The following ZNF257 variants were observed in gnomAD, a reference collection of about 807,000 sequenced individuals.
The protein encoded by ZNF257 is zinc finger protein 257.
Under a neutral mutation model 11.9 loss-of-function variants are expected in ZNF257, and 12 were observed. The ratio of observed to expected loss-of-function variants is 1.01; its 90% CI spans 0.65 to 1.63. The LOEUF (loss-of-function observed/expected upper bound fraction) is 1.63, where lower values mean the gene tolerates loss of function less well. ZNF257 is among the 40% of genes most tolerant of loss of function. The probability of loss-of-function intolerance (pLI) is 0.00; values close to 1 mark genes in which losing one functional copy is unlikely to be tolerated. For synonymous variants in ZNF257, 183 were observed against 222.7 expected (o/e 0.82, Z 1.59); for missense variants, 580 against 665.5 (o/e 0.87, Z 1.41).
chr19:22,052,497 C>A lies in ZNF257; in HGVS notation c.-136C>A. The A allele has an allele frequency of 9.5e-7, 1 of 1,047,836 alleles. No homozygotes were observed. Among genetic ancestry groups the A allele is most frequent in the Non-Finnish European group, 1.4e-6 (1 of 702,328 alleles). 64.9% of individuals were successfully genotyped at this position (1,047,836 alleles called of 1,614,324 possible). Reference sequence around the variant, plus strand: ...GGTTTGGCGGGTACTTTGTCTCTCGCTCTAGCCCGAGCTGCAGGTCTCGTC... The same window carrying A: ...GGTTTGGCGGGTACTTTGTCTCTCGATCTAGCCCGAGCTGCAGGTCTCGTC... On this transcript the variant is annotated 5_prime_UTR_variant, in exon 1 of 4. Coordinates refer to ENST00000594947, the MANE Select transcript of ZNF257 (RefSeq NM_033468.4).
chr19:22,085,139 G>A (rs147148983), intron 3 of ZNF257, among the ~76,000 whole-genome samples: 1,698 of 152,042 alleles, frequency 0.011, 99 homozygotes, highest in Admixed American at 0.081. Flanking sequence ...TGCAACCTCC[G>A]CCTCCTGGGT....
chr19:22,061,420 T>C (rs933429994), intron 1 of ZNF257, among the ~76,000 whole-genome samples: 8 of 152,206 alleles, frequency 5.3e-5, no homozygotes, highest in Non-Finnish European at 1.2e-4. Context: ...ATTTTGTTTT[T>C]GATTTGGCTT....
intron 3 of ZNF257, 90 bp downstream of exon 3, chr19:22,073,654 G>A: frequency 2.0e-6 from 3 of 1,471,284 alleles, no homozygotes; most frequent in Non-Finnish European, 2.7e-6. Context: ...TGTCATTTCG[G>A]AAGCTGTATT....
chr19:22,052,674 G>T (rs749916462), intron 1 of ZNF257, 39 bp downstream of exon 1: 9 of 1,604,922 alleles, frequency 5.6e-6, no homozygotes, highest in Middle Eastern at 1.7e-4. Flanking sequence ...AGAGGGGAAG[G>T]GGGTGGTTGG....
intron 3 of ZNF257, among the ~76,000 whole-genome samples, chr19:22,078,949 C>T (rs10426615): frequency 0.055 from 8,345 of 152,000 alleles, 812 homozygotes; most frequent in African/African-American, 0.19. Context: ...TGTGCCACCA[C>T]GCCCTGCTAA....
chr19:22,058,839 A>G (rs2021715648), intron 1 of ZNF257, among the ~76,000 whole-genome samples: 1 of 152,100 alleles, frequency 6.6e-6, no homozygotes, highest in African/African-American at 2.4e-5. Context: ...TGAGGTGTCT[A>G]CACCACTCCC....
Position 22,088,825 on chromosome 19 carries a change from C to G in ZNF257, c.1075C>G (p.Leu359Val). The change falls in exon 4 of 4, where the codon CTT becomes GTT. Residue 359 changes from leucine (L) to valine (V), a missense_variant. Transcript: ENST00000594947. ...CGKAFNRSSH[L>V]TQHKIIHTKE... is the part of the protein sequence containing the mutation. ...CAAAGCTTTTAACCGGTCTTCACAC[C>G]TTACTCAACATAAGATAATTCATAC... 6.2e-7 allele frequency: 1 copy of G among 1,613,336 alleles called. No homozygotes were observed. Among genetic ancestry groups the G allele is most frequent in the South Asian group, 1.1e-5 (1 of 91,036 alleles).
intron 3 of ZNF257, among the ~76,000 whole-genome samples, chr19:22,077,692 C>G (rs1344926533): frequency 6.6e-6 from 1 of 151,986 alleles, no homozygotes. Context: ...TTGCTTCAGC[C>G]TTTTGACTTT....
At chr19:22,066,613 T>A (rs2021953064) in intron 1 of ZNF257, among the ~76,000 whole-genome samples, 1 of 139,650 alleles carries the variant, frequency 7.2e-6, no homozygotes, top group South Asian at 2.2e-4. Flanking sequence ...AATGATAGCA[T>A]CCTAATCAAC....
Position 22,089,586 on chromosome 19 carries a change from A to G in ZNF257, c.*144A>G, listed in dbSNP as rs1372614815. 1.4e-6 allele frequency: 2 copies of G among 1,461,770 alleles called. No individual in the cohort carries two copies. The highest frequency in any genetic ancestry group is 1.8e-6 in the Non-Finnish European group (2 of 1,112,364). 90.5% of individuals were successfully genotyped at this position (1,461,770 alleles called of 1,614,324 possible). On this transcript the variant is annotated 3_prime_UTR_variant, in exon 4 of 4. Transcript: ENST00000594947. ...GGCTTTTAACAAATCCTCAACATTTACTAAGCATAAAATAATTCATGCTGG... is the reference window on the plus strand; with the variant it reads ...GGCTTTTAACAAATCCTCAACATTTGCTAAGCATAAAATAATTCATGCTGG...
At chr19:22,052,674 G>C (rs749916462) in intron 1 of ZNF257, 39 bp downstream of exon 1, 65 of 1,604,922 alleles carry the variant, frequency 4.1e-5, no homozygotes, top group South Asian at 5.5e-5. Context: ...AGAGGGGAAG[G>C]GGGTGGTTGG....
intron 3 of ZNF257, among the ~76,000 whole-genome samples, chr19:22,078,795 T>A (rs2022290822): frequency 6.7e-6 from 1 of 148,910 alleles, no homozygotes; most frequent in Non-Finnish European, 1.5e-5. Flanking sequence ...TTTCTTTCTT[T>A]TTTTTTTTTT....
intron 3 of ZNF257, among the ~76,000 whole-genome samples, chr19:22,083,299 G>A (rs1978719): frequency 0.23 from 34,734 of 151,836 alleles, 4,709 homozygotes; most frequent in South Asian, 0.45. Flanking sequence ...GTGAAACCCC[G>A]TCTCTACTGA....
intron 1 of ZNF257, among the ~76,000 whole-genome samples, chr19:22,064,947 C>T (rs10414685): frequency 0.24 from 35,825 of 150,924 alleles, 5,734 homozygotes; most frequent in African/African-American, 0.46. Flanking sequence ...CCAGCTGTTC[C>T]GGAGGCTGAG....
intron 3 of ZNF257, among the ~76,000 whole-genome samples, chr19:22,077,164 G>A (rs2022246364): frequency 6.6e-6 from 1 of 152,010 alleles, no homozygotes; most frequent in Non-Finnish European, 1.5e-5. Flanking sequence ...CACAAAAAAT[G>A]TTTTAATAGC....
intron 1 of ZNF257, among the ~76,000 whole-genome samples, chr19:22,069,088 T>C (rs562046075): frequency 2.0e-4 from 30 of 152,070 alleles, no homozygotes; most frequent in Non-Finnish European, 3.8e-4. Flanking sequence ...TGCTGGTACT[T>C]GGGAGGAAAA....
At chr19:22,067,773 G>A (rs1000736532) in intron 1 of ZNF257, among the ~76,000 whole-genome samples, 2 of 152,038 alleles carry the variant, frequency 1.3e-5, no homozygotes, top group African/African-American at 4.8e-5. Context: ...GGCGAAGGTT[G>A]CAGTGACCCG....
At chr19:22,064,991 T>C (rs1029925063) in intron 1 of ZNF257, among the ~76,000 whole-genome samples, 2 of 149,106 alleles carry the variant, frequency 1.3e-5, no homozygotes, top group Non-Finnish European at 3.0e-5. Flanking sequence ...GAAGCAGAGG[T>C]TGCGGTGAGC....
At chr19:22,069,530 G>A (rs62110984) in intron 1 of ZNF257, among the ~76,000 whole-genome samples, 19,571 of 151,980 alleles carry the variant, frequency 0.13, 1,446 homozygotes, top group Middle Eastern at 0.2. Flanking sequence ...CAGGAGAATT[G>A]CCTGAACCCA....
Sources: gnomAD v4.1 joint callset for allele counts (sites outside exome capture counted in the v4.1 genomes callset) on GRCh38, gnomAD v4.1.1 for gene constraint, MANE v1.5 for transcripts, NCBI Gene and HGNC (gene_info 2026-07-23, HGNC 2026-07-21) for gene names.